MRPL30: variants seen among roughly 807,000 people sequenced by gnomAD.
MRPL30 encodes the protein mitochondrial ribosomal protein L30, also known as large ribosomal subunit protein uL30m.
Under a neutral mutation model 17.2 loss-of-function variants are expected in MRPL30, and 10 were observed. The ratio of observed to expected loss-of-function variants is 0.58; its 90% CI spans 0.36 to 0.99. The LOEUF (loss-of-function observed/expected upper bound fraction) is 0.99, where lower values mean the gene tolerates loss of function less well. MRPL30 is among the 50% of genes least tolerant of loss of function. The pLI is 0.01. For missense variants in MRPL30, 170 were observed against 189.8 expected (o/e 0.90, Z 0.61); for synonymous variants, 61 against 62.1 (o/e 0.98, Z 0.08).
intron 2 of MRPL30, among the ~76,000 whole-genome samples, chr2:99,187,601 G>A (rs561543608): frequency 3.3e-5 from 5 of 152,232 alleles, no homozygotes; most frequent in East Asian, 3.9e-4. Flanking sequence ...CAAGGTGGAC[G>A]GATCACGAGG....
chr2:99,184,933 T>C (rs1309998931), intron 1 of MRPL30, among the ~76,000 whole-genome samples: 1 of 152,192 alleles, frequency 6.6e-6, no homozygotes, highest in Non-Finnish European at 1.5e-5. Context: ...TAGCCTATTT[T>C]AGTGTGTTAG....
chr2:99,197,396 A>G lies in MRPL30; in HGVS notation c.*1691A>G, dbSNP rs2093956684. ...GCGTTAAAGTGGAAGTGCCACCCAC[A>G]GTGAAACCAGATCCCATTAATAAAT... is the stretch of plus-strand genomic sequence containing the variant. On this transcript the variant is annotated 3_prime_UTR_variant, in exon 6 of 6. Transcript: ENST00000338148. The G allele has an allele frequency of 6.6e-6, 1 of 152,242 alleles. No individual in the cohort carries two copies. Among genetic ancestry groups the G allele is most frequent in the South Asian group, 2.1e-4 (1 of 4,830 alleles). 9.4% of individuals were successfully genotyped at this position (152,242 alleles called of 1,614,324 possible).
At position 99,197,626 on chromosome 2, in the gene MRPL30, A is replaced by G. The variant is rs962304824; in HGVS notation, c.*1921A>G. On this transcript the variant is annotated 3_prime_UTR_variant, in exon 6 of 6. Coordinates refer to ENST00000338148, the MANE Select transcript of MRPL30 (RefSeq NM_145212.4). ...AAGCAGCCTCTGCTAATTTAGCGCC[A>G]TCTCTTTTACTGTGCTAATTTTTTT... 1.3e-5 allele frequency: 2 copies of G among 152,096 alleles called. No individual in the cohort carries two copies. The highest frequency in any genetic ancestry group is 2.9e-5 in the Non-Finnish European group (2 of 68,018). The allele number at this position is 152,096 out of a possible 1,614,324, so 9.4% of individuals were successfully genotyped here. A position where few individuals can be genotyped will look rare whatever the true frequency, so the allele number is the denominator to read the frequency against.
At chr2:99,194,627 A>G (rs1321505142) in intron 3 of MRPL30, 124 bp from the exon 4 acceptor site, 3 of 795,128 alleles carry the variant, frequency 3.8e-6, no homozygotes, top group East Asian at 2.8e-5. Flanking sequence ...TGAGGATTAC[A>G]TGATGATTAA....
intron 3 of MRPL30, among the ~76,000 whole-genome samples, chr2:99,194,461 G>A (rs1255392458): frequency 6.6e-6 from 1 of 152,090 alleles, no homozygotes; most frequent in African/African-American, 2.4e-5. Context: ...AATAGGGAGG[G>A]AAGAGGATGC....
intron 3 of MRPL30, among the ~76,000 whole-genome samples, chr2:99,188,594 A>T (rs1390916046): frequency 6.6e-6 from 1 of 151,992 alleles, no homozygotes; most frequent in East Asian, 1.9e-4. Context: ...CTTCATTTTC[A>T]CTTTCCGTAT....
chr2:99,193,788 T>G (rs1185117688), intron 3 of MRPL30, among the ~76,000 whole-genome samples: 1 of 152,126 alleles, frequency 6.6e-6, no homozygotes, highest in Non-Finnish European at 1.5e-5. Flanking sequence ...CCTGTAATCC[T>G]AGCACTTTGG....
rs2093955594 is a variant in MRPL30, at chr2:99,196,573, G to A, written c.*868G>A. 6.6e-6 allele frequency: 1 copy of A among 152,300 alleles called. No individual in the cohort carries two copies. The highest frequency in any genetic ancestry group is 2.4e-5 in the African/African-American group (1 of 41,438). 9.4% of individuals were successfully genotyped at this position (152,300 alleles called of 1,614,324 possible). A position where few individuals can be genotyped will look rare whatever the true frequency, so the allele number is the denominator to read the frequency against. On this transcript the variant is annotated 3_prime_UTR_variant, in exon 6 of 6. Transcript: ENST00000338148. ...TCCCACCTCAGCCTCCCAAAATGCT[G>A]GGATTACAGGCATGAGCCACTGTAC...
intron 3 of MRPL30, among the ~76,000 whole-genome samples, chr2:99,193,022 G>T (rs745512195): frequency 3.9e-5 from 6 of 152,030 alleles, no homozygotes; most frequent in Non-Finnish European, 8.8e-5. Flanking sequence ...AAAGAAACTC[G>T]CATCAGAGTG....
intron 3 of MRPL30, among the ~76,000 whole-genome samples, chr2:99,191,761 TA>T (rs1171056653): frequency 2.0e-5 from 3 of 152,218 alleles, no homozygotes; most frequent in African/African-American, 7.2e-5. Context: ...CTATTGGTTC[TA>T]ACCTTCATTA....
In MRPL30 at chr2:99,198,984, T is replaced by A. The variant is rs2093959272; in HGVS notation, c.*3279T>A. On this transcript the variant is annotated 3_prime_UTR_variant, in exon 6 of 6. Coordinates refer to ENST00000338148, the MANE Select transcript of MRPL30 (RefSeq NM_145212.4). ...TAAGAATGCTAGCTAGTATGCCTAT[T>A]ATCTAACTGGCACAGTTTCACCAAG... 1.3e-5 allele frequency among the ~76,000 whole-genome samples: 2 copies of A among 152,130 alleles called. No individual in the cohort carries two copies. Among genetic ancestry groups the A allele is most frequent in the South Asian group, 4.1e-4 (2 of 4,820 alleles).
chr2:99,194,707 T>C lies in MRPL30; in HGVS notation c.133-44T>C, dbSNP rs201325601. On this transcript the variant is annotated intron_variant, in intron 3 of 5. Transcript: ENST00000338148. Reference sequence around the variant, plus strand: ...GAAAAAATGGGAGGTACACAGAAACTGTGTAAGTTGGAAATTTACCATTTA... The same window carrying C: ...GAAAAAATGGGAGGTACACAGAAACCGTGTAAGTTGGAAATTTACCATTTA... The C allele has an allele frequency of 7.9e-5, 121 of 1,538,578 alleles. No individual in the cohort carries two copies. In the African/African-American group the frequency reaches 1.4e-3, roughly 18 times the overall value.
At chr2:99,193,659 G>A (rs1360340508) in intron 3 of MRPL30, among the ~76,000 whole-genome samples, 1 of 151,498 alleles carries the variant, frequency 6.6e-6, no homozygotes, top group Non-Finnish European at 1.5e-5. Context: ...AATATATTAT[G>A]GCCATCATTC....
chr2:99,195,734 C>A lies in MRPL30; in HGVS notation c.*29C>A. ...CCCAGCAGCTTCCGATTGGAAAATG[C>A]AAATTGTTTTTATTTAAAGATGGTG... is the stretch of plus-strand genomic sequence containing the variant. On this transcript the variant is annotated 3_prime_UTR_variant, in exon 6 of 6. Coordinates refer to ENST00000338148, the MANE Select transcript of MRPL30 (RefSeq NM_145212.4). 1 of 1,604,492 alleles carries A rather than the reference C, an allele frequency of 6.2e-7. No individual in the cohort carries two copies. Among genetic ancestry groups the A allele is most frequent in the Non-Finnish European group, 8.5e-7 (1 of 1,177,810 alleles).
At chr2:99,189,541 T>C (rs1382645786) in intron 3 of MRPL30, among the ~76,000 whole-genome samples, 1 of 152,218 alleles carries the variant, frequency 6.6e-6, no homozygotes, top group Non-Finnish European at 1.5e-5. Flanking sequence ...CATTCATCTA[T>C]GGAAAAACAT....
chr2:99,196,299 GTAT>G lies in MRPL30; in HGVS notation c.*596_*598del, dbSNP rs1421103274. On this transcript the variant is annotated 3_prime_UTR_variant, in exon 6 of 6. Coordinates refer to ENST00000338148, the MANE Select transcript of MRPL30 (RefSeq NM_145212.4). Reference sequence around the variant, plus strand: ...TAACCATTTTATAAAAATTGCGTTAGTATTGTTGTTGTTGTTTTTGAGACAGGG... The same window carrying G: ...TAACCATTTTATAAAAATTGCGTTAGTGTTGTTGTTGTTTTTGAGACAGGG... 1 of 152,992 alleles carries G rather than the reference GTAT, an allele frequency of 6.5e-6. No homozygotes were observed. Among genetic ancestry groups the G allele is most frequent in the East Asian group, 1.9e-4 (1 of 5,182 alleles). 9.5% of individuals were successfully genotyped at this position (152,992 alleles called of 1,614,324 possible).
Position 99,181,248 on chromosome 2 carries a change from C to T in MRPL30, c.-29C>T, listed in dbSNP as rs1559186531. On this transcript the variant is annotated splice_region_variant and 5_prime_UTR_variant, in exon 1 of 6. Transcript: ENST00000338148. Reference sequence around the variant, plus strand: ...TTCAGGCTGAAGGTTTAGCGGGTGCCGGTGAGTGGGGAATGAGTGGCGGAG... The same window carrying T: ...TTCAGGCTGAAGGTTTAGCGGGTGCTGGTGAGTGGGGAATGAGTGGCGGAG... 4 of 427,088 alleles carry T rather than the reference C, an allele frequency of 9.4e-6. No individual in the cohort carries two copies. The highest frequency in any genetic ancestry group is 4.3e-5 in the Admixed American group (1 of 23,426). The allele number at this position is 427,088 out of a possible 1,614,324, so 26.5% of individuals were successfully genotyped here.
Position 99,195,888 on chromosome 2 carries a change from C to G in MRPL30, c.*183C>G. The G allele has an allele frequency of 1.5e-6, 1 of 649,238 alleles. No individual in the cohort carries two copies. Among genetic ancestry groups the G allele is most frequent in the Non-Finnish European group, 2.4e-6 (1 of 419,336 alleles). The allele number at this position is 649,238 out of a possible 1,614,324, so 40.2% of individuals were successfully genotyped here. A position where few individuals can be genotyped will look rare whatever the true frequency, so the allele number is the denominator to read the frequency against. ...CCTGAGGTCAAGAGTTCGAGACCAG[C>G]CTGACCAACATGGAGAAACCCCCAT... is the stretch of plus-strand genomic sequence containing the variant. On this transcript the variant is annotated 3_prime_UTR_variant, in exon 6 of 6. Transcript: ENST00000338148.
Position 99,194,855 on chromosome 2 carries a change from A to G in MRPL30, c.237A>G (p.Pro79=), listed in dbSNP as rs1316882230. 1.3e-6 allele frequency: 2 copies of G among 1,589,050 alleles called. No individual in the cohort carries two copies. The highest frequency in any genetic ancestry group is 3.7e-5 in the Admixed American group (2 of 53,696). Residue 79 remains proline, a synonymous_variant, in exon 4 of 6, where the codon CCA becomes CCG. Coordinates refer to ENST00000338148, the MANE Select transcript of MRPL30 (RefSeq NM_145212.4). Reference sequence around the variant, plus strand: ...GAATAAAAAGTACAAGAAGACGTCCATATTGGGAAAAAGATATAATAAAGA... The same window carrying G: ...GAATAAAAAGTACAAGAAGACGTCCGTATTGGGAAAAAGATATAATAAAGA... The part of the protein sequence containing the change: ...VTRIKSTRRR[P]YWEKDIIKML...
Sources: gnomAD v4.1 joint callset for allele counts (sites outside exome capture counted in the v4.1 genomes callset) on GRCh38, gnomAD v4.1.1 for gene constraint, MANE v1.5 for transcripts, NCBI Gene and HGNC (gene_info 2026-07-23, HGNC 2026-07-21) for gene names.